The following TMEM132B variants were observed in gnomAD, a reference collection of about 807,000 sequenced individuals.
TMEM132B encodes the protein transmembrane protein 132B.
TMEM132B carries 18 observed loss-of-function variants against 90.8 expected under a neutral mutation model. The ratio of observed to expected loss-of-function variants is 0.20; its 90% CI spans 0.14 to 0.29. TMEM132B has a LOEUF of 0.29. Among genes scored for constraint, TMEM132B ranks in the 10% least tolerant of loss-of-function variants. The probability of loss-of-function intolerance (pLI) is 1.00; values close to 1 mark genes in which losing one functional copy is unlikely to be tolerated. For missense variants in TMEM132B, 1,096 were observed against 1,326.8 expected (o/e 0.83, Z 2.70); for synonymous variants, 504 against 523.3 (o/e 0.96, Z 0.50).
chr12:125,375,779 T>A (rs370951753), intron 2 of TMEM132B, among the ~76,000 whole-genome samples: 1 of 152,216 alleles, frequency 6.6e-6, no homozygotes, highest in East Asian at 1.9e-4. Flanking sequence ...ATGAACTAAA[T>A]CACCTTCTAT....
intron 1 of TMEM132B, among the ~76,000 whole-genome samples, chr12:125,275,057 C>A (rs1874953022): frequency 6.6e-6 from 1 of 152,190 alleles, no homozygotes; most frequent in South Asian, 2.1e-4. Flanking sequence ...TCTTTCAAAA[C>A]CCACTTCAGA....
At chr12:125,470,833 C>T (rs554002390) in intron 3 of TMEM132B, among the ~76,000 whole-genome samples, 3 of 152,314 alleles carry the variant, frequency 2.0e-5, no homozygotes, top group East Asian at 1.9e-4. Flanking sequence ...AGTGAACATT[C>T]TTCTCTGGGA....
At chr12:125,538,642 G>A (rs1404075711) in intron 4 of TMEM132B, among the ~76,000 whole-genome samples, 1 of 152,216 alleles carries the variant, frequency 6.6e-6, no homozygotes, top group African/African-American at 2.4e-5. Context: ...CTGAGAACAA[G>A]CCTCTTATTC....
intron 5 of TMEM132B, among the ~76,000 whole-genome samples, chr12:125,638,456 A>G (rs1464399660): frequency 6.6e-6 from 1 of 152,172 alleles, no homozygotes; most frequent in African/African-American, 2.4e-5. Context: ...ACTTCACTAA[A>G]CTCAGTAATA....
At chr12:125,401,662 G>A (rs907410252) in intron 2 of TMEM132B, among the ~76,000 whole-genome samples, 8 of 152,166 alleles carry the variant, frequency 5.3e-5, no homozygotes, top group East Asian at 3.8e-4. Flanking sequence ...TACAATATTA[G>A]CATATTTTCA....
At chr12:125,350,701 A>G (rs562044306) in intron 2 of TMEM132B, among the ~76,000 whole-genome samples, 1 of 152,340 alleles carries the variant, frequency 6.6e-6, no homozygotes, top group South Asian at 2.1e-4. Context: ...ATCTTCCCAC[A>G]GAGGCTGTGA....
chr12:125,261,604 G>C (rs543145123), intron 1 of TMEM132B, among the ~76,000 whole-genome samples: 1 of 152,262 alleles, frequency 6.6e-6, no homozygotes, highest in Admixed American at 6.5e-5. Flanking sequence ...CACAAGTGCA[G>C]AAAATTCAAA....
At chr12:125,381,352 G>T (rs1878674685) in intron 2 of TMEM132B, among the ~76,000 whole-genome samples, 1 of 152,184 alleles carries the variant, frequency 6.6e-6, no homozygotes, top group Non-Finnish European at 1.5e-5. Flanking sequence ...GAAGTGAGAG[G>T]ATGGGGAGAG....
intron 5 of TMEM132B, among the ~76,000 whole-genome samples, chr12:125,640,716 C>T (rs1886608269): frequency 6.6e-6 from 1 of 152,072 alleles, no homozygotes; most frequent in Non-Finnish European, 1.5e-5. Context: ...GAGGCGGTCC[C>T]TTTCTCTATG....
intron 2 of TMEM132B, among the ~76,000 whole-genome samples, chr12:125,396,484 C>T (rs1879172822): frequency 2.0e-5 from 3 of 152,108 alleles, no homozygotes; most frequent in African/African-American, 7.2e-5. Flanking sequence ...CCTGCAGTGA[C>T]ACTGTGAGGT....
At chr12:125,626,991 C>G (rs1307095112) in intron 5 of TMEM132B, among the ~76,000 whole-genome samples, 5 of 152,090 alleles carry the variant, frequency 3.3e-5, no homozygotes, top group Non-Finnish European at 7.4e-5. Flanking sequence ...CTTTGTCACT[C>G]TTATTCCCTT....
chr12:125,646,993 A>G (rs1886780132), intron 6 of TMEM132B, among the ~76,000 whole-genome samples: 1 of 152,218 alleles, frequency 6.6e-6, no homozygotes, highest in Non-Finnish European at 1.5e-5. Context: ...AAAATGGAAA[A>G]TATCTCAGCA....
intron 1 of TMEM132B, among the ~76,000 whole-genome samples, chr12:125,321,778 G>A (rs913090194): frequency 1.3e-5 from 2 of 151,832 alleles, no homozygotes; most frequent in Admixed American, 1.3e-4. Flanking sequence ...AAGCTCACCT[G>A]GTTCATCAGT....
At chr12:125,481,847 A>G (rs1475104112) in intron 3 of TMEM132B, among the ~76,000 whole-genome samples, 1 of 152,202 alleles carries the variant, frequency 6.6e-6, no homozygotes, top group East Asian at 1.9e-4. Context: ...ACCTGACTTC[A>G]AACTATACTA....
chr12:125,489,223 A>G (rs1019347940), intron 3 of TMEM132B, among the ~76,000 whole-genome samples: 18 of 152,222 alleles, frequency 1.2e-4, no homozygotes, highest in Non-Finnish European at 2.2e-4. Flanking sequence ...TTAGAGACTG[A>G]CAAAATATAA....
Position 125,415,560 on chromosome 12 carries a change from C to T in TMEM132B, c.989C>T (p.Thr330Met), listed in dbSNP as rs368879385. 1.4e-5 allele frequency: 23 copies of T among 1,613,988 alleles called. No homozygotes were observed. The highest frequency in any genetic ancestry group is 6.7e-5 in the East Asian group (3 of 44,894). ...AAGGCGGCAGCAGGTGTGAAGATAA[C>T]GGCAGTGAGAGTCAGCAGTGAGGAC... ...RIKAAAGVKI[T>M]AVRVSSEDQW... The change falls in exon 3 of 9, where the codon ACG becomes ATG. Residue 330 changes from threonine (T) to methionine (M), a missense_variant. Thr to Met is a moderately conservative substitution (Grantham distance 81). Transcript: ENST00000682704. This position sits in a 1 kb window ranked among gnomAD's most constrained non-coding sequence, Gnocchi z 5.3.
intron 1 of TMEM132B, among the ~76,000 whole-genome samples, chr12:125,234,281 G>A (rs11058093): frequency 0.036 from 5,539 of 152,146 alleles, 115 homozygotes; most frequent in Non-Finnish European, 0.041. Context: ...ATTCTTGTTG[G>A]TCCAGTTGAA....
intron 2 of TMEM132B, among the ~76,000 whole-genome samples, chr12:125,356,002 T>TG (rs990773692): frequency 6.6e-6 from 1 of 151,952 alleles, no homozygotes; most frequent in Non-Finnish European, 1.5e-5. Flanking sequence ...TGGAGGGGGC[T>TG]GGGGGCTGGT....
At chr12:125,375,419 A>T (rs1010282902) in intron 2 of TMEM132B, among the ~76,000 whole-genome samples, 1 of 152,198 alleles carries the variant, frequency 6.6e-6, no homozygotes, top group Non-Finnish European at 1.5e-5. Flanking sequence ...CAGCAAAGAG[A>T]TACATTTTGT....
Sources: gnomAD v4.1 joint callset for allele counts (sites outside exome capture counted in the v4.1 genomes callset) on GRCh38, gnomAD v4.1.1 for gene constraint, Gnocchi (gnomAD v3.1) non-coding constraint, MANE v1.5 for transcripts, NCBI Gene and HGNC (gene_info 2026-07-23, HGNC 2026-07-21) for gene names.